The following TFEC variants were observed in gnomAD, a reference collection of about 807,000 sequenced individuals.
TFEC encodes transcription factor EC, also known as class E basic helix-loop-helix protein 34.
In TFEC, 31 loss-of-function variants were observed where a neutral mutation model predicts 41.6. The ratio of observed to expected loss-of-function variants is 0.74; its 90% CI spans 0.56 to 1.01. The LOEUF is 1.01. Ranked by LOEUF, TFEC falls within the 50% of genes least tolerant of loss-of-function variation. The pLI is 0.00. For missense variants in TFEC, 402 were observed against 404.1 expected (o/e 0.99, Z 0.04); for synonymous variants, 143 against 140.6 (o/e 1.02, Z -0.12).
At chr7:115,962,372 T>C (rs1315647799) in intron 3 of TFEC, among the ~76,000 whole-genome samples, 2 of 151,772 alleles carry the variant, frequency 1.3e-5, no homozygotes, top group African/African-American at 2.4e-5. Context: ...CAAGGGACCC[T>C]GCAGAATCAA....
chr7:115,980,486 A>G (rs1016235322), intron 2 of TFEC, among the ~76,000 whole-genome samples: 88 of 152,336 alleles, frequency 5.8e-4, no homozygotes, highest in African/African-American at 2.0e-3. Flanking sequence ...ATGGTGGCTC[A>G]TCCCTGCAAT....
chr7:115,979,367 G>A (rs765775586), intron 2 of TFEC, among the ~76,000 whole-genome samples: 2 of 151,858 alleles, frequency 1.3e-5, no homozygotes, highest in Admixed American at 1.3e-4. Flanking sequence ...TCTATTCTGC[G>A]CTCATGCTAT....
Position 115,974,247 on chromosome 7 carries a change from C to A in TFEC, c.190G>T (p.Val64Phe). 1 of 1,587,970 alleles carries A rather than the reference C, an allele frequency of 6.3e-7. No homozygotes were observed. The highest frequency in any genetic ancestry group is 2.3e-5 in the East Asian group (1 of 43,640). The change falls in exon 3 of 8, where the codon GTT (valine) becomes TTT (phenylalanine). Residue 64 changes from valine to phenylalanine, a missense_variant. Coordinates refer to ENST00000265440, the MANE Select transcript of TFEC (RefSeq NM_012252.4). ...DDNAQWHMED[V>F]IEDIIGMESS... is the part of the protein sequence containing the mutation. Reference sequence around the variant, plus strand: ...TCCATACCGATTATATCCTCAATAACGTCCTCCATCTAGCAAAATATAATA... The same window carrying A: ...TCCATACCGATTATATCCTCAATAAAGTCCTCCATCTAGCAAAATATAATA...
In TFEC at chr7:116,091,678, TA is replaced by T. The variant is rs1797331261; in HGVS notation, c.198+19029del. On this transcript the variant is annotated intron_variant, in intron 3 of 8. Transcript: ENST00000484212. ...ACTCTAGATGGAGAAACATCTCTAA[TA>T]AAATTTTTAAATAAATAAAAATAAC... is the stretch of plus-strand genomic sequence containing the variant. 3.3e-5 allele frequency among the ~76,000 whole-genome samples: 5 copies of T among 152,262 alleles called. 1 individual carries two copies. Among genetic ancestry groups the T allele is most frequent in the African/African-American group, 1.2e-4 (5 of 41,566 alleles).
At chr7:116,051,016 A>G (rs1796297091) in intron 3 of TFEC, among the ~76,000 whole-genome samples, 2 of 152,210 alleles carry the variant, frequency 1.3e-5, no homozygotes, top group African/African-American at 4.8e-5. Context: ...ATGAAGCTGG[A>G]AACCATCATT....
At chr7:116,023,644 G>A (rs1795481937) in intron 1 of TFEC, among the ~76,000 whole-genome samples, 1 of 152,050 alleles carries the variant, frequency 6.6e-6, no homozygotes, top group Non-Finnish European at 1.5e-5. Context: ...ACTTGCCCTA[G>A]GTCAGTTCAT....
intron 3 of TFEC, among the ~76,000 whole-genome samples, chr7:116,063,625 A>T (rs993568438): frequency 7.9e-5 from 12 of 152,284 alleles, no homozygotes; most frequent in Admixed American, 5.9e-4. Context: ...TCAAAAAAGA[A>T]AAAAGAACAC....
intron 1 of TFEC, among the ~76,000 whole-genome samples, chr7:116,001,693 C>A (rs1163968568): frequency 2.6e-5 from 4 of 152,054 alleles, no homozygotes; most frequent in African/African-American, 7.2e-5. Flanking sequence ...AGGAAACAAT[C>A]AACAAAGTGA....
chr7:116,150,100 T>C (rs1449542561), intron 1 of TFEC, among the ~76,000 whole-genome samples: 1 of 152,226 alleles, frequency 6.6e-6, no homozygotes, highest in African/African-American at 2.4e-5. Context: ...AATAATTACA[T>C]ATTCCAAAAC....
intron 1 of TFEC, among the ~76,000 whole-genome samples, chr7:116,155,134 C>T (rs148937045): frequency 1.6e-4 from 25 of 152,308 alleles, no homozygotes; most frequent in African/African-American, 5.5e-4. Flanking sequence ...AGACCTAGTA[C>T]GATTTCTGTT....
At chr7:116,029,471 T>C (rs1320762277) in intron 1 of TFEC, among the ~76,000 whole-genome samples, 2 of 152,174 alleles carry the variant, frequency 1.3e-5, no homozygotes, top group Admixed American at 6.6e-5. Flanking sequence ...ACACACTTTC[T>C]GAATACGAAA....
chr7:115,976,972 G>T (rs1461148378), intron 2 of TFEC, among the ~76,000 whole-genome samples: 1 of 152,118 alleles, frequency 6.6e-6, no homozygotes, highest in Non-Finnish European at 1.5e-5. Flanking sequence ...TCCTCCTTTG[G>T]AGGCTGTGCC....
chr7:116,016,439 A>C (rs1227781198), intron 1 of TFEC, among the ~76,000 whole-genome samples: 1 of 152,146 alleles, frequency 6.6e-6, no homozygotes, highest in East Asian at 1.9e-4. Flanking sequence ...CCAAATTTGC[A>C]TTTCTGTTCC....
At chr7:116,119,530 G>A (rs1051784578) in intron 1 of TFEC, among the ~76,000 whole-genome samples, 4 of 151,558 alleles carry the variant, frequency 2.6e-5, no homozygotes, top group African/African-American at 9.7e-5. Flanking sequence ...TTGAATATAT[G>A]TTAAAAAAAC....
At chr7:115,958,092 T>G (rs1480475022) in intron 3 of TFEC, among the ~76,000 whole-genome samples, 1 of 151,868 alleles carries the variant, frequency 6.6e-6, no homozygotes, top group African/African-American at 2.4e-5. Context: ...TCACGTTTAC[T>G]TTATATAAAC....
chr7:116,114,372 GTGAGACCTCTAAAACAAAA>G (rs1211926008), intron 1 of TFEC, among the ~76,000 whole-genome samples: 6 of 151,176 alleles, frequency 4.0e-5, no homozygotes, highest in Non-Finnish European at 8.8e-5. Context: ...ACAGTGTTTT[GTGAGACCTCTAAAACAAAA>G]ATAAAACAAA....
rs1024016459 is a variant in TFEC at position 116,085,434 on chromosome 7, T to C, written c.198+25274A>G. Among the ~76,000 whole-genome samples, 8 of 151,946 alleles carry C rather than the reference T, an allele frequency of 5.3e-5. No homozygotes were observed. In the East Asian group the frequency reaches 1.5e-3, roughly 29 times the overall value. ...TTTTTCTATGGTAGAGAGAGTTCTT[T>C]GCACATACCCATAAAACTTCGCTTA... On this transcript the variant is annotated intron_variant, in intron 3 of 8. Transcript: ENST00000484212.
At chr7:115,985,369 C>T (rs531304465) in intron 1 of TFEC, among the ~76,000 whole-genome samples, 7 of 152,174 alleles carry the variant, frequency 4.6e-5, no homozygotes, top group Non-Finnish European at 7.4e-5. Context: ...AGCCTGTGAA[C>T]GTAGTTTTGC....
At chr7:115,944,764 C>T (rs1423061343) in intron 6 of TFEC, among the ~76,000 whole-genome samples, 1 of 151,358 alleles carries the variant, frequency 6.6e-6, no homozygotes, top group African/African-American at 2.4e-5. Flanking sequence ...TTTCTGCCAA[C>T]CTGTGGCTTT....
Sources: allele counts gnomAD v4.1 joint callset (sites outside exome capture counted in the v4.1 genomes callset), GRCh38; gene constraint gnomAD v4.1.1; transcripts MANE v1.5; gene names NCBI Gene and HGNC (gene_info 2026-07-23, HGNC 2026-07-21).